MST1R: variants seen among roughly 807,000 people sequenced by gnomAD.
The protein encoded by MST1R is macrophage-stimulating protein receptor.
Under a neutral mutation model 117.8 loss-of-function variants are expected in MST1R, and 99 were observed. The observed-to-expected ratio is 0.84, with a 90% confidence interval of 0.71 to 0.99. The LOEUF (loss-of-function observed/expected upper bound fraction) is 0.99. Ranked by LOEUF, MST1R falls within the 50% of genes least tolerant of loss-of-function variation. The pLI is 0.00. For synonymous variants in MST1R, 734 were observed against 765.3 expected (o/e 0.96, Z 0.68); for missense variants, 1,683 against 1,840.2 (o/e 0.91, Z 1.56).
intron 1 of MST1R, among the ~76,000 whole-genome samples, chr3:49,902,154 G>C (rs3733135): frequency 6.6e-6 from 1 of 151,914 alleles, no homozygotes; most frequent in African/African-American, 2.4e-5. Context: ...GAAAGAGCAA[G>C]ATGAGGCAGC....
chr3:49,894,180 A>G (rs942082268), intron 14 of MST1R, among the ~76,000 whole-genome samples: 18 of 151,698 alleles, frequency 1.2e-4, no homozygotes, highest in Admixed American at 3.3e-4. Flanking sequence ...GCGCCATTGC[A>G]CTCCAGCCTG....
intron 8 of MST1R, 32 bp from the exon 9 acceptor site, chr3:49,896,665 G>A: frequency 6.2e-7 from 1 of 1,612,376 alleles, no homozygotes; most frequent in Non-Finnish European, 8.5e-7. Flanking sequence ...TAGGCTTTGG[G>A]TGTTCTCCAA....
intron 19 of MST1R, among the ~76,000 whole-genome samples, chr3:49,888,799 G>A (rs2082233955): frequency 6.6e-6 from 1 of 152,164 alleles, no homozygotes; most frequent in Non-Finnish European, 1.5e-5. Flanking sequence ...CTCGGAAGGT[G>A]GTACTGTTGT....
At position 49,896,005 on chromosome 3, in the gene MST1R, G is replaced by A. The variant is rs771689201; in HGVS notation, c.2752C>T (p.Leu918=). 6.9e-6 allele frequency: 11 copies of A among 1,594,904 alleles called. No individual in the cohort carries two copies. The Admixed American group carries it at 8.5e-5, about 12-fold the overall frequency. Residue 918 remains leucine, a synonymous_variant, in exon 11 of 20, where the codon CTG becomes TTG. Coordinates refer to ENST00000296474, the MANE Select transcript of MST1R (RefSeq NM_002447.4). ...EFRGDMVVCP[L]PPSLQLGQDG... ...TGGCCAAGCTGCAGGGATGGGGGCAGGGGGCAGACAACCATGTCCCCCCGG... is the reference window on the plus strand; with the variant it reads ...TGGCCAAGCTGCAGGGATGGGGGCAAGGGGCAGACAACCATGTCCCCCCGG...
Position 49,903,633 on chromosome 3 carries a change from G to T in MST1R, c.-24C>A. Reference sequence around the variant, plus strand: ...ATCGAGGCGAGCTGGGACCCTAGAGGATCCCTACCGGCCTGGGCCTGGACC... The same window carrying T: ...ATCGAGGCGAGCTGGGACCCTAGAGTATCCCTACCGGCCTGGGCCTGGACC... On this transcript the variant is annotated 5_prime_UTR_variant, in exon 1 of 20. Coordinates refer to ENST00000296474, the MANE Select transcript of MST1R (RefSeq NM_002447.4). 1 of 1,544,398 alleles carries T rather than the reference G, an allele frequency of 6.5e-7. No homozygotes were observed.
intron 19 of MST1R, among the ~76,000 whole-genome samples, chr3:49,888,751 T>C (rs888749309): frequency 4.6e-5 from 7 of 152,178 alleles, no homozygotes; most frequent in South Asian, 2.1e-4. Context: ...GAAATAATAC[T>C]CTACCCTACA....
At chr3:49,894,088 G>A (rs1023994821) in intron 14 of MST1R, among the ~76,000 whole-genome samples, 6 of 150,556 alleles carry the variant, frequency 4.0e-5, no homozygotes, top group Admixed American at 2.7e-4. Context: ...TGTGGCAGGC[G>A]CCTGTAATCC....
At chr3:49,891,651 T>C in intron 15 of MST1R, 71 bp from the exon 16 acceptor site, 1 of 1,609,466 alleles carries the variant, frequency 6.2e-7, no homozygotes, top group Non-Finnish European at 8.5e-7. Context: ...AAATGGGAAA[T>C]GAAGGTCTCC....
In MST1R at chr3:49,887,175, C is replaced by A; in HGVS notation, c.*132G>T. On this transcript the variant is annotated 3_prime_UTR_variant, in exon 20 of 20. Transcript: ENST00000296474. ...GTGGAGTGAGGGACCTAATGGGCCC[C>A]ATTTACCTATTGCCTCTGAAAGTTA... The A allele has an allele frequency of 7.8e-7, 1 of 1,286,230 alleles. No homozygotes were observed. The highest frequency in any genetic ancestry group is 1.4e-5 in the South Asian group (1 of 71,138). The allele number at this position is 1,286,230 out of a possible 1,614,324, so 79.7% of individuals were successfully genotyped here.
At chr3:49,890,408 A>C in intron 18 of MST1R, 77 bp downstream of exon 18, 1 of 1,487,772 alleles carries the variant, frequency 6.7e-7, no homozygotes, top group East Asian at 2.3e-5. Context: ...GGCTCAGATC[A>C]TTCAGAGCTG....
rs780224945 is a variant in MST1R at position 49,890,582 on chromosome 3, T to C, written c.3713A>G (p.Tyr1238Cys). The change falls in exon 18 of 20, where the codon TAC (tyrosine) becomes TGC (cysteine). Residue 1238 changes from tyrosine (Y) to cysteine (C), a missense_variant. Transcript: ENST00000296474. ...GLARDILDRE[Y>C]YSVQQHRHAR... is the part of the protein sequence containing the mutation. ...GTGGCGATGCTGTTGAACACTATAG[T>C]ACTCCCTGTCCAGGATGTCGCGGGC... 9 of 1,614,152 alleles carry C rather than the reference T, an allele frequency of 5.6e-6. No individual in the cohort carries two copies. Among genetic ancestry groups the C allele is most frequent in the Non-Finnish European group, 7.6e-6 (9 of 1,180,006 alleles).
Position 49,895,326 on chromosome 3 carries a change from C to G in MST1R, c.3112G>C (p.Ala1038Pro), listed in dbSNP as rs751488352. The change falls in exon 14 of 20, where the codon GCA becomes CCA. Residue 1038 changes from alanine to proline, a missense_variant. Coordinates refer to ENST00000296474, the MANE Select transcript of MST1R (RefSeq NM_002447.4). ...TCATCTTCACTATCGGAGAAGGATG[C>G]TCCATGGACACAAGTGGTGGAATCC... ...GLDSTTCVHG[A>P]SFSDSEDESC... The G allele has an allele frequency of 6.2e-7, 1 of 1,614,116 alleles. No individual in the cohort carries two copies. The highest frequency in any genetic ancestry group is 1.3e-5 in the African/African-American group (1 of 74,930).
chr3:49,897,361 C>A lies in MST1R; in HGVS notation c.2102G>T (p.Cys701Phe). 1 of 1,613,982 alleles carries A rather than the reference C, an allele frequency of 6.2e-7. No individual in the cohort carries two copies. The highest frequency in any genetic ancestry group is 8.5e-7 in the Non-Finnish European group (1 of 1,179,974). Residue 701 changes from cysteine (C) to phenylalanine (F), a missense_variant, in exon 7 of 20, where the codon TGT becomes TTT. Cys to Phe is a radical substitution (Grantham distance 205, BLOSUM62 -2). Coordinates refer to ENST00000296474, the MANE Select transcript of MST1R (RefSeq NM_002447.4). ...PLFGPRAGGT[C>F]LTLEGQSLSV... Reference sequence around the variant, plus strand: ...CAGACTCTGGCCTTCAAGAGTGAGACAGGTGCCTCCTGCCCGTGGGCCAAA... The same window carrying A: ...CAGACTCTGGCCTTCAAGAGTGAGAAAGGTGCCTCCTGCCCGTGGGCCAAA...
rs35887539 is a variant in MST1R at position 49,903,387 on chromosome 3, G to A, written c.223C>T (p.Arg75Cys). 4.7e-5 allele frequency: 76 copies of A among 1,613,898 alleles called. No homozygotes were observed. Among genetic ancestry groups the A allele is most frequent in the Non-Finnish European group, 6.3e-5 (74 of 1,180,036 alleles). Residue 75 changes from arginine to cysteine, a missense_variant, in exon 1 of 20, where the codon CGC becomes TGC. Physicochemically the swap from Arg to Cys is radical, Grantham distance 180 (BLOSUM62 -3). Transcript: ENST00000296474. ...GGCCCAAGCACATGCAGGCGATTGC[G>A]TATGGCTACAAACACAGCACTCTCA... is the stretch of plus-strand genomic sequence containing the variant. Reference protein sequence around the residue: ...RNESAVFVAIRNRLHVLGPDL... With the variant: ...RNESAVFVAICNRLHVLGPDL...
intron 1 of MST1R, among the ~76,000 whole-genome samples, chr3:49,900,327 G>A (rs995771390): frequency 2.0e-5 from 3 of 152,204 alleles, no homozygotes; most frequent in African/African-American, 7.2e-5. Flanking sequence ...GGGGAGGACT[G>A]TGGAAGCTCT....
rs1213247578 is a variant in MST1R at position 49,898,144 on chromosome 3, A to T, written c.1787T>A (p.Leu596His). The change falls in exon 5 of 20, where the codon CTT becomes CAT. Residue 596 changes from leucine to histidine, a missense_variant. Leu to His is a moderately conservative substitution (Grantham distance 99). Coordinates refer to ENST00000296474, the MANE Select transcript of MST1R (RefSeq NM_002447.4). ...RLTLCGSNFY[L>H]HPSGLVPEGT... The stretch of plus-strand genomic sequence containing the variant: ...CTCAGGCACCAGACCAGAAGGGTGA[A>T]GGTAGAAGTTGGAGCCACACAGGGT... The T allele has an allele frequency of 1.2e-6, 2 of 1,614,040 alleles. No individual in the cohort carries two copies. Among genetic ancestry groups the T allele is most frequent in the Non-Finnish European group, 8.5e-7 (1 of 1,180,020 alleles).
rs1476379054 is a variant in MST1R, at chr3:49,903,348, C to T, written c.262G>A (p.Val88Ile). Residue 88 changes from valine (V) to isoleucine (I), a missense_variant, in exon 1 of 20, where the codon GTC becomes ATC. Coordinates refer to ENST00000296474, the MANE Select transcript of MST1R (RefSeq NM_002447.4). Reference sequence around the variant, plus strand: ...GCAGGGCCCGTGGCCAGGCTCTGGACAGACTTCAGGTCAGGCCCAAGCACA... The same window carrying T: ...GCAGGGCCCGTGGCCAGGCTCTGGATAGACTTCAGGTCAGGCCCAAGCACA... ...LHVLGPDLKS[V>I]QSLATGPAGD... The T allele has an allele frequency of 6.2e-7, 1 of 1,613,764 alleles. No homozygotes were observed. The highest frequency in any genetic ancestry group is 1.1e-5 in the South Asian group (1 of 91,090).
Position 49,902,907 on chromosome 3 carries a change from A to G in MST1R, c.703T>C (p.Leu235=). The stretch of plus-strand genomic sequence containing the variant: ...ACAAGATGCTTGGGCAGCACTGACA[A>G]CGCCACAAAGCCCGGTGCGAATCCC... ...ASGFAPGFVA[L]SVLPKHLVSY... The change falls in exon 1 of 20, where the codon TTG becomes CTG. Residue 235 remains leucine (L), a synonymous_variant. Transcript: ENST00000296474. 6.2e-7 allele frequency: 1 copy of G among 1,613,522 alleles called. No individual in the cohort carries two copies.
At chr3:49,900,016 ACT>A (rs1395165682) in intron 1 of MST1R, among the ~76,000 whole-genome samples, 4 of 151,456 alleles carry the variant, frequency 2.6e-5, no homozygotes, top group Admixed American at 2.6e-4. Flanking sequence ...CTCTTCTCTG[ACT>A]CTCTGTGTGC....
Sources: allele counts gnomAD v4.1 joint callset (sites outside exome capture counted in the v4.1 genomes callset), GRCh38; gene constraint gnomAD v4.1.1; transcripts MANE v1.5; gene names NCBI Gene and HGNC (gene_info 2026-07-23, HGNC 2026-07-21).